ZDHHC5: variants seen among roughly 807,000 people sequenced by gnomAD.
The protein encoded by ZDHHC5 is palmitoyltransferase ZDHHC5.
A neutral mutation model predicts 70.0 loss-of-function variants in ZDHHC5; 22 were observed. The ratio of observed to expected loss-of-function variants is 0.31; its 90% CI spans 0.22 to 0.45. The LOEUF is 0.45. Ranked by LOEUF, ZDHHC5 falls within the 20% of genes least tolerant of loss-of-function variation. ZDHHC5 has a pLI of 1.00. For missense variants in ZDHHC5, 746 were observed against 926.9 expected (o/e 0.80, Z 2.53); for synonymous variants, 313 against 347.8 (o/e 0.90, Z 1.11).
At chr11:57,694,249 C>A (rs1189343199) in intron 8 of ZDHHC5, among the ~76,000 whole-genome samples, 1 of 152,152 alleles carries the variant, frequency 6.6e-6, no homozygotes, top group Non-Finnish European at 1.5e-5. Flanking sequence ...ACCTCGGCCT[C>A]CCAAAGTGCT....
intron 2 of ZDHHC5, among the ~76,000 whole-genome samples, chr11:57,674,170 TG>T (rs1946041913): frequency 6.6e-6 from 1 of 152,170 alleles, no homozygotes; most frequent in African/African-American, 2.4e-5. Context: ...TCCCATTACT[TG>T]GTTCTGTTGG....
rs148167550 is a variant in ZDHHC5, at chr11:57,674,779, A to G, written c.104+1585A>G. Among the ~76,000 whole-genome samples, 24 of 152,340 alleles carry G rather than the reference A, an allele frequency of 1.6e-4. No individual in the cohort carries two copies. The East Asian group carries it at 4.4e-3, about 28-fold the overall frequency. On this transcript the variant is annotated intron_variant, in intron 2 of 11. Coordinates refer to ENST00000287169, the MANE Select transcript of ZDHHC5 (RefSeq NM_015457.3). Reference sequence around the variant, plus strand: ...ACTGATGTATTTCTCTAGTTTTTAAAGAAGGAGAGAAAGAATCACTATCTA... The same window carrying G: ...ACTGATGTATTTCTCTAGTTTTTAAGGAAGGAGAGAAAGAATCACTATCTA...
chr11:57,686,672 C>T (rs182505243), intron 3 of ZDHHC5, among the ~76,000 whole-genome samples: 87 of 151,960 alleles, frequency 5.7e-4, no homozygotes, highest in African/African-American at 1.9e-3. Context: ...TCATTATGTA[C>T]GAAGTACAAA....
intron 2 of ZDHHC5, among the ~76,000 whole-genome samples, chr11:57,680,672 A>G (rs928226916): frequency 3.3e-5 from 5 of 152,290 alleles, no homozygotes; most frequent in Non-Finnish European, 7.3e-5. Flanking sequence ...TGAAGTGACA[A>G]CTTAGTACTA....
In ZDHHC5 at chr11:57,698,696, A is replaced by G. The variant is rs201301873; in HGVS notation, c.1260A>G (p.Pro420=). The G allele has an allele frequency of 1.7e-5, 28 of 1,614,000 alleles. No homozygotes were observed. Among genetic ancestry groups the G allele is most frequent in the Non-Finnish European group, 2.5e-6 (3 of 1,180,026 alleles). The part of the protein sequence containing the change: ...PTFGKSFHFD[P]LSSGSRSSSL... Reference sequence around the variant, plus strand: ...TTGGCAAAAGTTTTCACTTCGATCCACTATCCAGTGGCTCACGCTCCTCCA... The same window carrying G: ...TTGGCAAAAGTTTTCACTTCGATCCGCTATCCAGTGGCTCACGCTCCTCCA... Residue 420 remains proline (P), a synonymous_variant, in exon 11 of 12, where the codon CCA becomes CCG. Transcript: ENST00000287169.
chr11:57,691,323 C>T (rs1946282385), intron 6 of ZDHHC5, among the ~76,000 whole-genome samples: 1 of 152,154 alleles, frequency 6.6e-6, no homozygotes, highest in Non-Finnish European at 1.5e-5. Context: ...CCACCCACCT[C>T]AGCCTCCCAA....
intron 2 of ZDHHC5, among the ~76,000 whole-genome samples, chr11:57,675,579 A>T (rs1014589550): frequency 1.3e-5 from 2 of 152,200 alleles, no homozygotes; most frequent in African/African-American, 4.8e-5. Context: ...ACCCTAAGTC[A>T]TAGCTGGAGT....
At position 57,696,861 on chromosome 11, in the gene ZDHHC5, C is replaced by G. The variant is rs948930507; in HGVS notation, c.1110C>G (p.Ser370=). The G allele has an allele frequency of 1.2e-6, 2 of 1,613,832 alleles. No individual in the cohort carries two copies. Among genetic ancestry groups the G allele is most frequent in the Non-Finnish European group, 8.5e-7 (1 of 1,179,824 alleles). Residue 370 remains serine, a synonymous_variant, in exon 10 of 12, where the codon TCC becomes TCG. Transcript: ENST00000287169. ...SSSTSAAMPH[S]SSAKLSRGDS... is the part of the protein sequence containing the mutation. ...GTACGTCAGCTGCCATGCCGCATTC[C>G]TCCAGCGCCAAGGTACTGAGTACTC...
chr11:57,670,756 C>T (rs753236802), intron 1 of ZDHHC5, among the ~76,000 whole-genome samples: 1 of 151,602 alleles, frequency 6.6e-6, no homozygotes, highest in African/African-American at 2.4e-5. Context: ...CCTTCCATGC[C>T]ATAGGTGAGA....
intron 3 of ZDHHC5, among the ~76,000 whole-genome samples, chr11:57,684,734 A>G (rs1946189300): frequency 6.6e-6 from 1 of 152,192 alleles, no homozygotes; most frequent in Non-Finnish European, 1.5e-5. Flanking sequence ...GTAGAAAGAA[A>G]ATAAGTTGAC....
At chr11:57,678,931 G>T (rs1305217903) in intron 2 of ZDHHC5, among the ~76,000 whole-genome samples, 2 of 152,172 alleles carry the variant, frequency 1.3e-5, no homozygotes, top group Non-Finnish European at 2.9e-5. Context: ...TGTAGCTGAA[G>T]TAACAAGGTT....
intron 2 of ZDHHC5, among the ~76,000 whole-genome samples, chr11:57,677,280 G>A (rs1258694444): frequency 4.1e-5 from 5 of 121,600 alleles, no homozygotes; most frequent in African/African-American, 1.5e-4. Context: ...TCTGCTTCAC[G>A]TGATTTTTTT....
rs922133571 is a variant in ZDHHC5 at position 57,700,841 on chromosome 11, G to C, written c.*810G>C. 1 of 152,658 alleles carries C rather than the reference G, an allele frequency of 6.6e-6. No individual in the cohort carries two copies. The highest frequency in any genetic ancestry group is 2.4e-5 in the African/African-American group (1 of 41,452). The allele number at this position is 152,658 out of a possible 1,614,324, so 9.5% of individuals were successfully genotyped here. A position where few individuals can be genotyped will look rare whatever the true frequency, so the allele number is the denominator to read the frequency against. ...TGGATAATCCCCTCCTTGGGGGAGA[G>C]GGATTAGAGTGTGCTCCTACTGGCC... is the stretch of plus-strand genomic sequence containing the variant. On this transcript the variant is annotated 3_prime_UTR_variant, in exon 12 of 12. Coordinates refer to ENST00000287169, the MANE Select transcript of ZDHHC5 (RefSeq NM_015457.3).
chr11:57,688,448 T>C (rs1946240012), intron 3 of ZDHHC5, 60 bp from the exon 4 acceptor site: 1 of 1,444,138 alleles, frequency 6.9e-7, no homozygotes, highest in African/African-American at 1.4e-5. Flanking sequence ...CATCATTGAA[T>C]CCCTAGCACT....
chr11:57,671,475 C>G (rs192770824), intron 1 of ZDHHC5, among the ~76,000 whole-genome samples: 1 of 152,280 alleles, frequency 6.6e-6, no homozygotes, highest in East Asian at 1.9e-4. Flanking sequence ...ACATTTCTTA[C>G]CCAGTGTTCT....
intron 8 of ZDHHC5, among the ~76,000 whole-genome samples, chr11:57,694,646 G>A (rs1383176192): frequency 6.6e-6 from 1 of 152,166 alleles, no homozygotes; most frequent in African/African-American, 2.4e-5. Context: ...ATAGGTGTGA[G>A]CCACTGCACC....
intron 6 of ZDHHC5, among the ~76,000 whole-genome samples, chr11:57,691,691 T>C (rs1183337470): frequency 6.6e-6 from 1 of 152,098 alleles, no homozygotes; most frequent in East Asian, 1.9e-4. Context: ...TATTCTTTCT[T>C]TAGTTTGTCA....
intron 7 of ZDHHC5, 131 bp from the exon 8 acceptor site, chr11:57,693,652 G>A: frequency 7.4e-7 from 1 of 1,359,762 alleles, no homozygotes; most frequent in Non-Finnish European, 9.7e-7. Flanking sequence ...CTAAGTAAGT[G>A]ATGGCCAAAA....
Position 57,693,643 on chromosome 11 carries a change from T to C in ZDHHC5, c.753-140T>C, listed in dbSNP as rs867084087. 8 of 1,299,088 alleles carry C rather than the reference T, an allele frequency of 6.2e-6. No individual in the cohort carries two copies. In the South Asian group the frequency reaches 6.4e-5, roughly 10 times the overall value. 80.5% of individuals were successfully genotyped at this position (1,299,088 alleles called of 1,614,324 possible). The stretch of plus-strand genomic sequence containing the variant: ...TCACAGAATCAATTCTGTTTATTGC[T>C]AAGTAAGTGATGGCCAAAACTGCAA... On this transcript the variant is annotated intron_variant, in intron 7 of 11. Transcript: ENST00000287169.
Sources: allele counts gnomAD v4.1 joint callset (sites outside exome capture counted in the v4.1 genomes callset), GRCh38; gene constraint gnomAD v4.1.1; transcripts MANE v1.5; gene names NCBI Gene and HGNC (gene_info 2026-07-23, HGNC 2026-07-21).